Variants in RIMS1 observed in about 807,000 individuals in gnomAD.
RIMS1 encodes the protein regulating synaptic membrane exocytosis 1, also known as regulating synaptic membrane exocytosis protein 1.
In RIMS1, 83 loss-of-function variants were observed where a neutral mutation model predicts 214.1. The observed-to-expected ratio is 0.39, with a 90% CI of 0.32 to 0.47. The LOEUF (loss-of-function observed/expected upper bound fraction) is 0.47. RIMS1 is among the 20% of genes least tolerant of loss of function. RIMS1 has a pLI of 0.99. For missense variants in RIMS1, 2,050 were observed against 2,161.8 expected (o/e 0.95, Z 1.03); for synonymous variants, 793 against 786.8 (o/e 1.01, Z -0.13).
intron 29 of RIMS1, among the ~76,000 whole-genome samples, chr6:72,368,758 A>T (rs527740263): frequency 6.6e-6 from 1 of 152,122 alleles, no homozygotes; most frequent in Non-Finnish European, 1.5e-5. Context: ...TTTAAAGTTT[A>T]TTGCATTAAT....
intron 13 of RIMS1, among the ~76,000 whole-genome samples, 173 bp from the exon 14 acceptor site, chr6:72,250,748 C>T (rs537329214): frequency 1.3e-5 from 2 of 152,178 alleles, no homozygotes; most frequent in African/African-American, 4.8e-5. Flanking sequence ...AATTACAATA[C>T]TGCTTATATT....
chr6:72,213,234 A>G (rs372401703), intron 6 of RIMS1: 260 of 1,532,674 alleles, frequency 1.7e-4, no homozygotes, highest in Non-Finnish European at 2.2e-4. Context: ...TAAGCAATAG[A>G]TAATGGTAAT....
At chr6:72,238,032 T>C in intron 9 of RIMS1, 110 bp downstream of exon 9, 3 of 580,122 alleles carry the variant, frequency 5.2e-6, no homozygotes, top group Non-Finnish European at 9.1e-6. Flanking sequence ...CATACATGTA[T>C]GTATGTATAT....
At chr6:71,891,206 G>T (rs1471136420) in intron 1 of RIMS1, among the ~76,000 whole-genome samples, 1 of 152,172 alleles carries the variant, frequency 6.6e-6, no homozygotes, top group East Asian at 1.9e-4. Context: ...CATTAAGTTT[G>T]TATCCGAGTG....
intron 4 of RIMS1, among the ~76,000 whole-genome samples, chr6:72,140,871 A>G (rs955648169): frequency 6.6e-6 from 1 of 152,084 alleles, no homozygotes; most frequent in African/African-American, 2.4e-5. Flanking sequence ...GATACTTTTT[A>G]GCAAAAGTAC....
intron 22 of RIMS1, 26 bp from the exon 23 acceptor site, chr6:72,274,323 T>C: frequency 6.5e-7 from 1 of 1,546,924 alleles, no homozygotes; most frequent in Non-Finnish European, 8.9e-7. Context: ...TCCTGTTTTT[T>C]CCTGTCTTGT....
chr6:72,270,615 A>C (rs1049025892), intron 22 of RIMS1, among the ~76,000 whole-genome samples: 1 of 152,224 alleles, frequency 6.6e-6, no homozygotes, highest in Admixed American at 6.5e-5. Flanking sequence ...TGTGGCTTTG[A>C]GTCTGCAAGA....
Position 72,099,957 on chromosome 6 carries a change from T to C in RIMS1, c.460-18T>C, listed in dbSNP as rs770955460. 1 of 1,601,540 alleles carries C rather than the reference T, an allele frequency of 6.2e-7. No homozygotes were observed. The highest frequency in any genetic ancestry group is 8.6e-7 in the Non-Finnish European group (1 of 1,169,468). The stretch of plus-strand genomic sequence containing the variant: ...TGTCTTCTTTCTCTACTCTGCTTCC[T>C]TGGATGCTTTCCCAAAGGAGGACAA... On this transcript the variant is annotated intron_variant, in intron 3 of 33. Coordinates refer to ENST00000521978, the MANE Select transcript of RIMS1 (RefSeq NM_014989.7).
At chr6:72,341,577 C>T (rs1005529327) in intron 29 of RIMS1, among the ~76,000 whole-genome samples, 44 of 151,886 alleles carry the variant, frequency 2.9e-4, no homozygotes, top group African/African-American at 9.2e-4. Context: ...ACTGTATCTG[C>T]AGTACTATCC....
rs142761622 is a variant in RIMS1 at position 72,371,744 on chromosome 6, C to T, written c.4367-18854C>T. Among the ~76,000 whole-genome samples the T allele has an allele frequency of 3.0e-4, 46 of 151,642 alleles. No homozygotes were observed. In the East Asian group the frequency reaches 8.0e-3, roughly 26 times the overall value. On this transcript the variant is annotated intron_variant, in intron 29 of 33. Transcript: ENST00000521978. The stretch of plus-strand genomic sequence containing the variant: ...CCCAACCAGTCCCTGTGTAGATAGA[C>T]GAGCCCCTTAGCCATAGTTCACCTG...
chr6:72,125,688 C>A (rs1283062195), intron 4 of RIMS1, among the ~76,000 whole-genome samples: 1 of 152,212 alleles, frequency 6.6e-6, no homozygotes, highest in African/African-American at 2.4e-5. Context: ...CAAGCCTCAG[C>A]AATGGTGGAT....
At chr6:71,924,241 C>T (rs1043437746) in intron 1 of RIMS1, among the ~76,000 whole-genome samples, 2 of 152,054 alleles carry the variant, frequency 1.3e-5, no homozygotes, top group Admixed American at 1.3e-4. Context: ...CTCTACAAAA[C>T]GTTTGGTAGA....
intron 4 of RIMS1, among the ~76,000 whole-genome samples, chr6:72,158,137 A>C (rs182628650): frequency 7.1e-6 from 1 of 140,652 alleles, no homozygotes; most frequent in African/African-American, 2.5e-5. Flanking sequence ...ATTTCCATTT[A>C]GCTTCATTTT....
rs9351877 is a variant in RIMS1, at chr6:71,943,879, A to C, written c.165-25104A>C. 1.1e-4 allele frequency among the ~76,000 whole-genome samples: 16 copies of C among 152,318 alleles called. No homozygotes were observed. The East Asian group carries it at 2.5e-3, about 24-fold the overall frequency. On this transcript the variant is annotated intron_variant, in intron 1 of 33. Coordinates refer to ENST00000521978, the MANE Select transcript of RIMS1 (RefSeq NM_014989.7). ...CCAAAGTCTTTAATGGCTTCAGTCTATTAAGTGATAGGAACTTACAAACTG... is the reference window on the plus strand; with the variant it reads ...CCAAAGTCTTTAATGGCTTCAGTCTCTTAAGTGATAGGAACTTACAAACTG...
rs1341583205 is a variant in RIMS1, at chr6:72,250,404, A to C, written c.2316A>C (p.Arg772Ser). 6.2e-7 allele frequency: 1 copy of C among 1,601,878 alleles called. No homozygotes were observed. The highest frequency in any genetic ancestry group is 1.3e-5 in the African/African-American group (1 of 74,676). ...NVLQATDLPA[R>S]VDGRPRNPYV... is the part of the protein sequence containing the mutation. ...TGCAAGCAACAGATCTACCTGCTAG[A>C]GTAGATGGACGTCCTCGAAATCCCT... The change falls in exon 13 of 34, where the codon AGA becomes AGC. Residue 772 changes from arginine (R) to serine (S), a missense_variant. Around this residue, in one of 6 missense-constraint regions of RIMS1, gnomAD observed 889 missense variants for 885.5 expected, o/e 1.00. Transcript: ENST00000521978.
In RIMS1 at chr6:72,399,715, A is replaced by G. The variant is rs147190601; in HGVS notation, c.4860+621A>G. Among the ~76,000 whole-genome samples the G allele has an allele frequency of 3.0e-3, 456 of 152,298 alleles. 1 individual carries two copies. The highest frequency in any genetic ancestry group is 9.4e-3 in the African/African-American group (391 of 41,564). ...TCAAGAGGTAAAGTAATTTCACAAA[A>G]TTACTCAGTAAATTTTAAAGACATG... On this transcript the variant is annotated intron_variant, in intron 33 of 33. Transcript: ENST00000521978.
chr6:72,038,961 C>T (rs753031014), intron 2 of RIMS1, among the ~76,000 whole-genome samples: 13 of 152,074 alleles, frequency 8.5e-5, no homozygotes, highest in East Asian at 1.9e-4. Context: ...GATGTATTTA[C>T]GGTTTATAAC....
chr6:72,347,356 A>G lies in RIMS1; in HGVS notation c.4366+13521A>G, dbSNP rs142240825. 5.9e-3 allele frequency among the ~76,000 whole-genome samples: 857 copies of G among 145,970 alleles called. 8 individuals carry two copies. The highest frequency in any genetic ancestry group is 0.02 in the African/African-American group (811 of 41,328). ...ACAGAAAAGTTTTCTGGAATGAAAG[A>G]AACTTTTGGAAGAGTTTTCTGTATT... On this transcript the variant is annotated intron_variant, in intron 29 of 33. Coordinates refer to ENST00000521978, the MANE Select transcript of RIMS1 (RefSeq NM_014989.7).
chr6:71,909,881 G>C lies in RIMS1; in HGVS notation c.164+22694G>C, dbSNP rs1018702729. 3.9e-5 allele frequency among the ~76,000 whole-genome samples: 6 copies of C among 152,086 alleles called. 1 individual carries two copies. The South Asian group carries it at 1.0e-3, about 26-fold the overall frequency. ...AATTTGCTTGCTGGCACAACAATCTGCGTATTGTTGGTGTGATCCTGTCTG... is the reference window on the plus strand; with the variant it reads ...AATTTGCTTGCTGGCACAACAATCTCCGTATTGTTGGTGTGATCCTGTCTG... On this transcript the variant is annotated intron_variant, in intron 1 of 33. Coordinates refer to ENST00000521978, the MANE Select transcript of RIMS1 (RefSeq NM_014989.7).
Sources: allele counts gnomAD v4.1 joint callset (sites outside exome capture counted in the v4.1 genomes callset), GRCh38; gene constraint gnomAD v4.1.1; regional missense constraint gnomAD v4.1.1; transcripts MANE v1.5; gene names NCBI Gene and HGNC (gene_info 2026-07-23, HGNC 2026-07-21).